The following SH2D4A variants were observed in gnomAD, a reference collection of about 807,000 sequenced individuals.
SH2D4A encodes the protein SH2 domain containing 4A, also known as SH2 domain-containing protein 4A.
Under a neutral mutation model 64.7 loss-of-function variants are expected in SH2D4A, and 70 were observed. The observed-to-expected ratio is 1.08, with a 90% CI of 0.89 to 1.32. The LOEUF is 1.32. SH2D4A is among the 40% of genes most tolerant of loss of function. The pLI, the probability that SH2D4A is intolerant of heterozygous loss-of-function variation, is 0.00. For missense variants in SH2D4A, 706 were observed against 540.1 expected, an observed-to-expected ratio of 1.31 and a Z score of -3.04; for synonymous variants, 268 against 200.7, an observed-to-expected ratio of 1.34 and a Z score of -2.83.
intron 4 of SH2D4A, among the ~76,000 whole-genome samples, chr8:19,336,396 C>T (rs2052446522): frequency 1.3e-5 from 2 of 152,124 alleles, no homozygotes; most frequent in African/African-American, 4.8e-5. Context: ...ATCTCAAGGT[C>T]AGCCCTGGAC....
intron 4 of SH2D4A, among the ~76,000 whole-genome samples, chr8:19,342,394 C>T (rs975129678): frequency 2.0e-5 from 3 of 152,210 alleles, no homozygotes; most frequent in African/African-American, 7.2e-5. Context: ...TAATAGAATG[C>T]TGAGGCCAGC....
At chr8:19,340,011 T>C (rs1027588754) in intron 4 of SH2D4A, among the ~76,000 whole-genome samples, 1 of 152,060 alleles carries the variant, frequency 6.6e-6, no homozygotes, top group Admixed American at 6.6e-5. Flanking sequence ...CAATAACAAG[T>C]GCTGTGACTT....
At chr8:19,381,967 A>G (rs1357728033) in intron 8 of SH2D4A, among the ~76,000 whole-genome samples, 1 of 152,048 alleles carries the variant, frequency 6.6e-6, no homozygotes, top group East Asian at 1.9e-4. Flanking sequence ...ATATTGTACC[A>G]TCTTGCATTC....
intron 7 of SH2D4A, 84 bp from the exon 8 acceptor site, chr8:19,373,446 A>G (rs202121745): frequency 0.19 from 74,234 of 385,558 alleles, 1,625 homozygotes; most frequent in East Asian, 0.39. Flanking sequence ...GTGTGTGTGT[A>G]TATATATATA....
chr8:19,391,075 G>T (rs532791837), intron 8 of SH2D4A, among the ~76,000 whole-genome samples: 1 of 152,258 alleles, frequency 6.6e-6, no homozygotes, highest in African/African-American at 2.4e-5. Context: ...TCCGGTCGTG[G>T]CTCCTTGTTT....
intron 5 of SH2D4A, among the ~76,000 whole-genome samples, chr8:19,358,374 AG>A (rs1171640827): frequency 7.9e-5 from 12 of 152,198 alleles, no homozygotes; most frequent in African/African-American, 2.7e-4. Flanking sequence ...CTATGAGGAC[AG>A]GTAATCACTT....
chr8:19,365,255 A>C (rs2052973134), intron 7 of SH2D4A, among the ~76,000 whole-genome samples: 2 of 152,122 alleles, frequency 1.3e-5, no homozygotes, highest in Admixed American at 1.3e-4. Flanking sequence ...AATTATTTCT[A>C]CTTACTCTAC....
At chr8:19,341,847 A>C (rs1322254511) in intron 4 of SH2D4A, among the ~76,000 whole-genome samples, 13 of 151,336 alleles carry the variant, frequency 8.6e-5, no homozygotes, top group South Asian at 2.1e-4. Flanking sequence ...GTCTTAACAA[A>C]AAAAAAAAAA....
intron 5 of SH2D4A, 33 bp from the exon 6 acceptor site, chr8:19,361,170 G>T: frequency 7.4e-7 from 1 of 1,342,888 alleles, no homozygotes. Context: ...GTTTTGTTTT[G>T]TTTTTGTTTT....
In SH2D4A at chr8:19,364,058, C is replaced by G. The variant is rs559175494; in HGVS notation, c.707-14C>G. 1.2e-5 allele frequency: 20 copies of G among 1,613,498 alleles called. No homozygotes were observed. The highest frequency in any genetic ancestry group is 3.3e-5 in the Admixed American group (2 of 59,998). ...GGCTGATGAGGGTTTTCTCCGACCCCGTTGTTTTTCCAGTGCGAAAATCCA... is the reference window on the plus strand; with the variant it reads ...GGCTGATGAGGGTTTTCTCCGACCCGGTTGTTTTTCCAGTGCGAAAATCCA... On this transcript the variant is annotated splice_polypyrimidine_tract_variant and intron_variant, in intron 6 of 9. Coordinates refer to ENST00000265807, the MANE Select transcript of SH2D4A (RefSeq NM_022071.4).
chr8:19,371,286 T>C (rs1354960569), intron 7 of SH2D4A, among the ~76,000 whole-genome samples: 3 of 152,156 alleles, frequency 2.0e-5, no homozygotes, highest in Non-Finnish European at 2.9e-5. Flanking sequence ...CAGCTTTTGT[T>C]TGTGTGGAAA....
chr8:19,372,306 G>GATTT (rs2053115709), intron 7 of SH2D4A, among the ~76,000 whole-genome samples: 1 of 152,182 alleles, frequency 6.6e-6, no homozygotes, highest in South Asian at 2.1e-4. Flanking sequence ...AGGGCTCTAT[G>GATTT]ATTTACACAG....
At chr8:19,330,979 G>C (rs1220577027) in intron 2 of SH2D4A, among the ~76,000 whole-genome samples, 1 of 152,196 alleles carries the variant, frequency 6.6e-6, no homozygotes, top group East Asian at 1.9e-4. Flanking sequence ...GGGCATGGTG[G>C]GATTGACCTT....
chr8:19,362,431 T>C (rs942031283), intron 6 of SH2D4A, among the ~76,000 whole-genome samples: 9 of 152,184 alleles, frequency 5.9e-5, no homozygotes, highest in Non-Finnish European at 1.5e-5. Flanking sequence ...GATGTTTTGG[T>C]CAACGATGGG....
At chr8:19,384,327 C>T (rs994809981) in intron 8 of SH2D4A, among the ~76,000 whole-genome samples, 1 of 152,162 alleles carries the variant, frequency 6.6e-6, no homozygotes, top group African/African-American at 2.4e-5. Context: ...TGCAAAGAGA[C>T]AGGGGTGAGT....
chr8:19,361,020 A>G (rs1184080494), intron 5 of SH2D4A, 183 bp from the exon 6 acceptor site: 1 of 412,540 alleles, frequency 2.4e-6, no homozygotes, highest in Non-Finnish European at 4.4e-6. Context: ...AGCAATGGTC[A>G]GTCTTACTTC....
Position 19,393,298 on chromosome 8 carries a change from C to G in SH2D4A, c.1049-20C>G, listed in dbSNP as rs377565730. The G allele has an allele frequency of 3.2e-5, 51 of 1,612,474 alleles. No individual in the cohort carries two copies. Among genetic ancestry groups the G allele is most frequent in the Non-Finnish European group, 4.2e-5 (50 of 1,178,628 alleles). On this transcript the variant is annotated intron_variant, in intron 8 of 9. Coordinates refer to ENST00000265807, the MANE Select transcript of SH2D4A (RefSeq NM_022071.4). ...GGAATGATTTGGCTGAAATACCTGC[C>G]TTTTTTTGCTTTGCCACAGGAATTC...
chr8:19,375,306 T>C (rs572887316), intron 8 of SH2D4A: 66 of 152,324 alleles, frequency 4.3e-4, no homozygotes, highest in African/African-American at 1.6e-3. Context: ...ATAAAGAGAA[T>C]ATGCATCACA....
chr8:19,361,380 G>T (rs1200750121), intron 6 of SH2D4A, 66 bp downstream of exon 6: 11 of 1,483,274 alleles, frequency 7.4e-6, no homozygotes, highest in South Asian at 1.4e-5. Flanking sequence ...TTAATAATGT[G>T]ATCAATCTAG....
Sources: gnomAD v4.1 joint callset for allele counts (sites outside exome capture counted in the v4.1 genomes callset) on GRCh38, gnomAD v4.1.1 for gene constraint, MANE v1.5 for transcripts, NCBI Gene and HGNC (gene_info 2026-07-23, HGNC 2026-07-21) for gene names.